RET: variants seen among roughly 807,000 people sequenced by gnomAD.
RET encodes the protein ret proto-oncogene.
A neutral mutation model predicts 118.3 loss-of-function variants in RET; 19 were observed. The ratio of observed to expected loss-of-function variants is 0.16; its 90% confidence interval spans 0.11 to 0.24. RET has a LOEUF of 0.24. Ranked by LOEUF, RET falls within the 10% of genes least tolerant of loss-of-function variation. RET has a pLI of 1.00. For missense variants in RET, 1,219 were observed against 1,502.1 expected (o/e 0.81, Z 3.12); for synonymous variants, 597 against 644.1 (o/e 0.93, Z 1.11).
At chr10:43,102,994 A>T (rs1372081718) in intron 3 of RET, among the ~76,000 whole-genome samples, 1 of 146,666 alleles carries the variant, frequency 6.8e-6, no homozygotes. Context: ...CCATTCCTCT[A>T]TCGTAAATTG....
chr10:43,125,556 C>T (rs1588880467), intron 18 of RET, among the ~76,000 whole-genome samples: 1 of 152,186 alleles, frequency 6.6e-6, no homozygotes, highest in East Asian at 1.9e-4. Context: ...GCAGGCCAAA[C>T]AAAGCATATC....
At chr10:43,120,448 C>T (rs1233173197) in intron 15 of RET, among the ~76,000 whole-genome samples, 1 of 152,220 alleles carries the variant, frequency 6.6e-6, no homozygotes, top group African/African-American at 2.4e-5. Context: ...CATACTGACC[C>T]GAGGCCCTTG....
chr10:43,118,339 G>C, intron 12 of RET, 34 bp from the exon 13 acceptor site: 1 of 1,563,078 alleles, frequency 6.4e-7, no homozygotes. Context: ...TTCCAGGAGC[G>C]ATCGTTTGCA....
Position 43,104,988 on chromosome 10 carries a change from T to G in RET, c.662T>G (p.Leu221Arg). 6.3e-7 allele frequency: 1 copy of G among 1,584,396 alleles called. No individual in the cohort carries two copies. ...CCCTTCCGCTGCGCCCCGGACAGCC[T>G]GGAGGTGAGCACGCGCTGGGCCCTG... ...GLPFRCAPDSLEVSTRWALDR... is the reference protein window; with the variant it reads ...GLPFRCAPDSREVSTRWALDR... The change falls in exon 4 of 20, where the codon CTG (leucine) becomes CGG (arginine). Residue 221 changes from leucine (L) to arginine (R), a missense_variant. This residue lies in a region of RET where 850 missense variants were observed against 969.6 expected (regional missense o/e 0.88). Coordinates refer to ENST00000355710, the MANE Select transcript of RET (RefSeq NM_020975.6).
At position 43,109,194 on chromosome 10, in the gene RET, C is replaced by A; in HGVS notation, c.1227C>A (p.Ser409=). The change falls in exon 6 of 20, where the codon TCC becomes TCA. Residue 409 remains serine (S), a synonymous_variant. Coordinates refer to ENST00000355710, the MANE Select transcript of RET (RefSeq NM_020975.6). ...PVSLHLPSTY[S]LSVSRRARRF... is the part of the protein sequence containing the mutation. The stretch of plus-strand genomic sequence containing the variant: ...GCCTGCACCTGCCCAGTACCTACTC[C>A]CTCTCCGTGAGCAGGAGGGCTCGCC... The A allele has an allele frequency of 6.2e-7, 1 of 1,613,772 alleles. No homozygotes were observed. The highest frequency in any genetic ancestry group is 8.5e-7 in the Non-Finnish European group (1 of 1,180,042).
At chr10:43,120,940 GAAGA>G (rs369140819) in intron 15 of RET, among the ~76,000 whole-genome samples, 1,650 of 149,512 alleles carry the variant, frequency 0.011, 16 homozygotes, top group Admixed American at 0.014. Context: ...AAAAGAAGAA[GAAGA>G]AAAAAAAAAA....
intron 1 of RET, among the ~76,000 whole-genome samples, chr10:43,094,631 A>G (rs1242116071): frequency 6.6e-6 from 1 of 152,008 alleles, no homozygotes; most frequent in African/African-American, 2.4e-5. Context: ...GGAGTGAGAG[A>G]CCAAGGGCCA....
intron 1 of RET, among the ~76,000 whole-genome samples, chr10:43,092,942 C>T (rs1044074623): frequency 2.0e-5 from 3 of 152,232 alleles, no homozygotes; most frequent in East Asian, 1.9e-4. Flanking sequence ...CTCTTACTCC[C>T]TTCCCCTTCC....
At chr10:43,093,642 A>G (rs1837456365) in intron 1 of RET, among the ~76,000 whole-genome samples, 1 of 152,174 alleles carries the variant, frequency 6.6e-6, no homozygotes, top group Admixed American at 6.5e-5. Flanking sequence ...CAGCCTCGGT[A>G]GCATCCCAGC....
intron 1 of RET, among the ~76,000 whole-genome samples, chr10:43,091,822 CAAA>C (rs60545334): frequency 1.4e-3 from 163 of 114,572 alleles, no homozygotes; most frequent in East Asian, 2.1e-3. Context: ...TGTCTACTAT[CAAA>C]AAAAAAAAAA....
Position 43,109,076 on chromosome 10 carries a change from T to A in RET, c.1109T>A (p.Met370Lys), listed in dbSNP as rs886046987. 1.1e-5 allele frequency: 18 copies of A among 1,613,804 alleles called. No individual in the cohort carries two copies. The highest frequency in any genetic ancestry group is 1.4e-5 in the Non-Finnish European group (17 of 1,180,022). The change falls in exon 6 of 20, where the codon ATG becomes AAG. Residue 370 changes from methionine to lysine, a missense_variant. This residue lies in a region of RET where 850 missense variants were observed against 969.6 expected (regional missense o/e 0.88). Transcript: ENST00000355710. Reference sequence around the variant, plus strand: ...CTCTCCATCTCGGAGAACCGCACCATGCAGCTGGCGGTGCTGGTCAATGAC... The same window carrying A: ...CTCTCCATCTCGGAGAACCGCACCAAGCAGCTGGCGGTGCTGGTCAATGAC... ...RNLSISENRTMQLAVLVNDSD... is the reference protein window; with the variant it reads ...RNLSISENRTKQLAVLVNDSD...
intron 1 of RET, among the ~76,000 whole-genome samples, chr10:43,087,376 C>A (rs1167502362): frequency 2.6e-5 from 4 of 152,156 alleles, no homozygotes; most frequent in African/African-American, 9.7e-5. Context: ...GTACTGAGGC[C>A]GCACTGCCAT....
rs1386004901 is a variant in RET at position 43,105,345 on chromosome 10, T to C, written c.867+152T>C. 1.5e-5 allele frequency: 19 copies of C among 1,239,714 alleles called. No individual in the cohort carries two copies. In the East Asian group the frequency reaches 4.8e-4, roughly 31 times the overall value. The allele number at this position is 1,239,714 out of a possible 1,614,324, so 76.8% of individuals were successfully genotyped here. On this transcript the variant is annotated intron_variant, in intron 4 of 19. Coordinates refer to ENST00000355710, the MANE Select transcript of RET (RefSeq NM_020975.6). The stretch of plus-strand genomic sequence containing the variant: ...TCGCCTCCGTCTGCGCCGTCTGTCC[T>C]AGGGGGAGGGGAAGGGGGAGTCCTG...
At chr10:43,122,701 G>A (rs780182868) in intron 16 of RET, among the ~76,000 whole-genome samples, 6 of 152,168 alleles carry the variant, frequency 3.9e-5, no homozygotes, top group Admixed American at 6.5e-5. Context: ...TCCACCTCCT[G>A]GGTTCAAGCG....
chr10:43,121,382 G>A (rs1007368636), intron 15 of RET, among the ~76,000 whole-genome samples: 7 of 152,146 alleles, frequency 4.6e-5, no homozygotes, highest in African/African-American at 1.7e-4. Context: ...AAGTCACCCT[G>A]GAAAGGATTT....
At chr10:43,108,608 C>G (rs988554097) in intron 5 of RET, among the ~76,000 whole-genome samples, 1 of 152,058 alleles carries the variant, frequency 6.6e-6, no homozygotes, top group Non-Finnish European at 1.5e-5. Context: ...TCAGTTGGTC[C>G]GGGGACTCAA....
Position 43,105,364 on chromosome 10 carries a change from A to T in RET, c.867+171A>T, listed in dbSNP as rs3026739. Among the ~76,000 whole-genome samples, 642 of 151,776 alleles carry T rather than the reference A, an allele frequency of 4.2e-3. 6 individuals are homozygous for T. The highest frequency in any genetic ancestry group is 6.7e-3 in the Non-Finnish European group (458 of 67,868). ...CTGTCCTAGGGGGAGGGGAAGGGGG[A>T]GTCCTGCCAGCACCCAGCTGGGCCT... On this transcript the variant is annotated intron_variant, in intron 4 of 19. Transcript: ENST00000355710.
intron 1 of RET, among the ~76,000 whole-genome samples, chr10:43,099,566 C>T (rs1837592233): frequency 6.8e-6 from 1 of 147,484 alleles, no homozygotes; most frequent in African/African-American, 2.5e-5. Flanking sequence ...ATAAAAATTA[C>T]ATAGATAAGA....
At position 43,114,374 on chromosome 10, in the gene RET, C is replaced by G. The variant is rs2132840775; in HGVS notation, c.1880-106C>G. On this transcript the variant is annotated intron_variant, in intron 10 of 19. Transcript: ENST00000355710. This position sits in a 1 kb window ranked among gnomAD's most constrained non-coding sequence, Gnocchi z 4.6. ...ACCTCCATGGCCACTTCCCAGCTGG[C>G]GCGGACACGGCAGGCTGGAGAGCCA... The G allele has an allele frequency of 6.7e-7, 1 of 1,489,778 alleles. No homozygotes were observed. The highest frequency in any genetic ancestry group is 1.2e-5 in the South Asian group (1 of 85,334). The allele number at this position is 1,489,778 out of a possible 1,614,324, so 92.3% of individuals were successfully genotyped here. A position where few individuals can be genotyped will look rare whatever the true frequency, so the allele number is the denominator to read the frequency against.
Sources: gnomAD v4.1 joint callset for allele counts (sites outside exome capture counted in the v4.1 genomes callset) on GRCh38, gnomAD v4.1.1 for gene constraint, gnomAD v4.1.1 regional missense constraint, Gnocchi (gnomAD v3.1) non-coding constraint, MANE v1.5 for transcripts, NCBI Gene and HGNC (gene_info 2026-07-23, HGNC 2026-07-21) for gene names.